BNC2: variants seen among roughly 807,000 people sequenced by gnomAD.
BNC2 encodes the protein zinc finger protein basonuclin-2.
BNC2 carries 20 observed loss-of-function variants against 76.3 expected under a neutral mutation model. The ratio of observed to expected loss-of-function variants is 0.26; its 90% CI spans 0.18 to 0.38. The LOEUF (loss-of-function observed/expected upper bound fraction) is 0.38, where lower values mean the gene tolerates loss of function less well. Among genes scored for constraint, BNC2 ranks in the 10% least tolerant of loss-of-function variants. BNC2 has a pLI of 1.00. For synonymous variants in BNC2, 582 were observed against 514.8 expected, an observed-to-expected ratio of 1.13 and a Z score of -1.77; for missense variants, 1,382 against 1,399.8, an observed-to-expected ratio of 0.99 and a Z score of 0.20.
intron 3 of BNC2, among the ~76,000 whole-genome samples, chr9:16,717,549 T>G (rs2134816399): frequency 6.6e-6 from 1 of 152,270 alleles, no homozygotes; most frequent in Middle Eastern, 3.4e-3. Context: ...TCTCCTCAGG[T>G]TCACATCATG....
intron 1 of BNC2, among the ~76,000 whole-genome samples, chr9:16,820,715 T>A (rs1478153109): frequency 6.6e-6 from 1 of 150,672 alleles, no homozygotes; most frequent in Non-Finnish European, 1.5e-5. Flanking sequence ...TTCTCACAAA[T>A]AGAGATCATG....
At chr9:16,866,358 T>C (rs1819542674) in intron 1 of BNC2, among the ~76,000 whole-genome samples, 1 of 152,100 alleles carries the variant, frequency 6.6e-6, no homozygotes, top group African/African-American at 2.4e-5. Flanking sequence ...TATGTAGAAC[T>C]ACTCCAAAAC....
intron 5 of BNC2, among the ~76,000 whole-genome samples, chr9:16,516,552 A>G (rs1235568909): frequency 6.6e-6 from 1 of 152,136 alleles, no homozygotes; most frequent in Non-Finnish European, 1.5e-5. Context: ...CAGGGTGAGA[A>G]CTCAAAGAGT....
chr9:16,523,493 C>CAAAAAAAAAAAAAAAAAAA (rs753945820), intron 5 of BNC2, among the ~76,000 whole-genome samples: 1 of 120,168 alleles, frequency 8.3e-6, no homozygotes. Flanking sequence ...AAAAACAAAA[C>CAAAAAAAAAAAAAAAAAAA]AAAAAAAAAC....
intron 3 of BNC2, among the ~76,000 whole-genome samples, chr9:16,665,367 T>C (rs145500711): frequency 1.9e-5 from 1 of 51,444 alleles, no homozygotes; most frequent in East Asian, 4.0e-4. Context: ...TGAACCTCTG[T>C]CTCAAAAAAA....
At chr9:16,755,187 G>C (rs1369557395) in intron 1 of BNC2, among the ~76,000 whole-genome samples, 2 of 152,154 alleles carry the variant, frequency 1.3e-5, no homozygotes, top group East Asian at 3.9e-4. Flanking sequence ...ATAAGCAACA[G>C]TTCAAAAAGA....
intron 3 of BNC2, among the ~76,000 whole-genome samples, chr9:16,651,746 T>C (rs1821800019): frequency 6.6e-6 from 1 of 152,172 alleles, no homozygotes; most frequent in Non-Finnish European, 1.5e-5. Flanking sequence ...GAGATAGTGA[T>C]TTATGTCTCT....
intron 1 of BNC2, among the ~76,000 whole-genome samples, chr9:16,781,722 T>C (rs1287389580): frequency 6.6e-6 from 1 of 152,200 alleles, no homozygotes; most frequent in Non-Finnish European, 1.5e-5. Flanking sequence ...ACAAGTATAT[T>C]GGAAAATATA....
intron 1 of BNC2, among the ~76,000 whole-genome samples, chr9:16,770,865 C>A (rs1265480047): frequency 6.6e-6 from 1 of 151,820 alleles, no homozygotes; most frequent in Admixed American, 6.6e-5. Context: ...AAAGCAAGAC[C>A]CTGTCACAAA....
intron 1 of BNC2, among the ~76,000 whole-genome samples, chr9:16,776,186 C>T (rs1825963099): frequency 6.9e-6 from 1 of 144,800 alleles, no homozygotes; most frequent in Admixed American, 6.8e-5. Context: ...GTCGCCCAGG[C>T]TGGAGTGCAA....
chr9:16,813,652 T>C (rs1818113179), intron 1 of BNC2, among the ~76,000 whole-genome samples: 1 of 152,172 alleles, frequency 6.6e-6, no homozygotes, highest in Non-Finnish European at 1.5e-5. Context: ...TAATCATAAC[T>C]ACAAAGCTTC....
At chr9:16,838,580 T>C (rs568998466) in intron 1 of BNC2, among the ~76,000 whole-genome samples, 1 of 152,096 alleles carries the variant, frequency 6.6e-6, no homozygotes, top group South Asian at 2.1e-4. Context: ...GAAATGCGAG[T>C]TGTTACCTCA....
chr9:16,551,287 C>T (rs1818655194), intron 5 of BNC2, among the ~76,000 whole-genome samples: 2 of 152,226 alleles, frequency 1.3e-5, no homozygotes, highest in Admixed American at 6.5e-5. Flanking sequence ...ACTCCCTTCC[C>T]TTTCCCTACT....
chr9:16,711,370 G>C (rs1823842771), intron 3 of BNC2, among the ~76,000 whole-genome samples: 1 of 152,110 alleles, frequency 6.6e-6, no homozygotes, highest in Non-Finnish European at 1.5e-5. Flanking sequence ...TTCCTCGCTA[G>C]TTGCAGTATT....
chr9:16,832,120 T>C, intron 1 of BNC2: 1 of 270,606 alleles, frequency 3.7e-6, no homozygotes, highest in Non-Finnish European at 6.8e-6. Context: ...AATACTGCAA[T>C]GCAGCTTCCT....
In BNC2 at chr9:16,765,191, C is replaced by A. The variant is rs569541433; in HGVS notation, c.4-26706G>T. Among the ~76,000 whole-genome samples the A allele has an allele frequency of 2.8e-3, 426 of 152,220 alleles. 2 individuals are homozygous for A. The highest frequency in any genetic ancestry group is 6.8e-3 in the Middle Eastern group (2 of 294). The stretch of plus-strand genomic sequence containing the variant: ...TTTTGTCTCTAATATGGTAAACATA[C>A]ACAAAGAGACAGTCTTATTAGGTAA... On this transcript the variant is annotated intron_variant, in intron 1 of 6. Coordinates refer to ENST00000380672, the MANE Select transcript of BNC2 (RefSeq NM_017637.6).
intron 1 of BNC2, among the ~76,000 whole-genome samples, chr9:16,792,249 C>A (rs1383411438): frequency 7.8e-4 from 1 of 1,274 alleles, no homozygotes; most frequent in Non-Finnish European, 3.1e-3. Flanking sequence ...AACCCCCATT[C>A]AGAATACCAA....
At chr9:16,595,785 A>G (rs1424522365) in intron 3 of BNC2, among the ~76,000 whole-genome samples, 1 of 152,170 alleles carries the variant, frequency 6.6e-6, no homozygotes, top group East Asian at 1.9e-4. Flanking sequence ...CTGACTAGCT[A>G]AAAACAAATG....
chr9:16,792,007 T>C (rs1352382307), intron 1 of BNC2, among the ~76,000 whole-genome samples: 1 of 150,022 alleles, frequency 6.7e-6, no homozygotes, highest in Non-Finnish European at 1.5e-5. Flanking sequence ...GAGGTGAAGG[T>C]GGAGGGATCC....
Sources: allele counts gnomAD v4.1 joint callset (sites outside exome capture counted in the v4.1 genomes callset), GRCh38; gene constraint gnomAD v4.1.1; transcripts MANE v1.5; gene names NCBI Gene and HGNC (gene_info 2026-07-23, HGNC 2026-07-21).